MAX: variants seen among roughly 807,000 people sequenced by gnomAD.
MAX encodes the protein MYC associated transcriptional regulator X.
Under a neutral mutation model 22.3 loss-of-function variants are expected in MAX, and 3 were observed. The observed-to-expected ratio is 0.13, with a 90% confidence interval of 0.06 to 0.35. The LOEUF is 0.35. MAX is among the 10% of genes least tolerant of loss of function. The pLI, the probability that MAX is intolerant of heterozygous loss-of-function variation, is 1.00. For synonymous variants in MAX, 72 were observed against 77.7 expected, an observed-to-expected ratio of 0.93 and a Z score of 0.39; for missense variants, 119 against 209.4, an observed-to-expected ratio of 0.57 and a Z score of 2.66.
rs1566869988 is a variant in MAX at position 65,014,089 on chromosome 14, G to T, written c.172-7805C>A. On this transcript the variant is annotated intron_variant, in intron 3 of 3. Transcript: ENST00000341653. The surrounding 1 kb of genome is among the most constrained non-coding windows in gnomAD (Gnocchi z 5.1). Reference sequence around the variant, plus strand: ...TATCAGCATAGTTTTGAAGAGAGCAGCTTGGGCCAACGGAAAGAACACTGG... The same window carrying T: ...TATCAGCATAGTTTTGAAGAGAGCATCTTGGGCCAACGGAAAGAACACTGG... 6.6e-6 allele frequency among the ~76,000 whole-genome samples: 1 copy of T among 152,290 alleles called. No individual in the cohort carries two copies. Among genetic ancestry groups the T allele is most frequent in the East Asian group, 1.9e-4 (1 of 5,186 alleles).
At chr14:65,045,243 G>A (rs565446204) in intron 3 of MAX, among the ~76,000 whole-genome samples, 1 of 152,268 alleles carries the variant, frequency 6.6e-6, no homozygotes, top group East Asian at 1.9e-4. Flanking sequence ...GGAAGTCATG[G>A]GGCCCTGCTG....
intron 3 of MAX, among the ~76,000 whole-genome samples, chr14:65,056,361 T>C (rs1244573095): frequency 6.6e-6 from 1 of 152,224 alleles, no homozygotes; most frequent in Non-Finnish European, 1.5e-5. Context: ...AACGTTGTGG[T>C]ATCTGTCTCA....
At chr14:65,043,162 G>A (rs2062389019) in intron 3 of MAX, among the ~76,000 whole-genome samples, 1 of 152,176 alleles carries the variant, frequency 6.6e-6, no homozygotes, top group Admixed American at 6.5e-5. Flanking sequence ...GGCTGGAACG[G>A]CCTAGGTGGT....
At chr14:65,015,649 C>A (rs1224538583) in intron 3 of MAX, 1 of 1,614,132 alleles carries the variant, frequency 6.2e-7, no homozygotes, top group East Asian at 2.2e-5. Context: ...CCGCCCATGG[C>A]TCTGCTATTG....
In MAX at chr14:65,014,882, A is replaced by G. The variant is rs1469662302; in HGVS notation, c.172-8598T>C. Reference sequence around the variant, plus strand: ...AGTGTCTAATACAGTGCTTGGCACAAGTAGATACTATCAAATATTTGTTGA... The same window carrying G: ...AGTGTCTAATACAGTGCTTGGCACAGGTAGATACTATCAAATATTTGTTGA... On this transcript the variant is annotated intron_variant, in intron 3 of 3. Coordinates refer to the MAX transcript ENST00000341653. This position sits in a 1 kb window ranked among gnomAD's most constrained non-coding sequence, Gnocchi z 5.1. Among the ~76,000 whole-genome samples the G allele has an allele frequency of 6.6e-6, 1 of 152,178 alleles. No homozygotes were observed. Among genetic ancestry groups the G allele is most frequent in the Non-Finnish European group, 1.5e-5 (1 of 68,018 alleles).
chr14:65,057,018 C>G (rs1222135795), intron 3 of MAX, among the ~76,000 whole-genome samples: 2 of 152,170 alleles, frequency 1.3e-5, no homozygotes, highest in African/African-American at 4.8e-5. Context: ...AACAGCCTAC[C>G]CTTGCAGGAA....
At position 65,047,450 on chromosome 14, in the gene MAX, A is replaced by C. The variant is rs58044665; in HGVS notation, c.172-41166T>G. 6.4e-3 allele frequency among the ~76,000 whole-genome samples: 974 copies of C among 152,348 alleles called. 62 individuals are homozygous for C. The East Asian group carries it at 0.15, about 24-fold the overall frequency. Reference sequence around the variant, plus strand: ...TTGTTTAGCTCACTTGTAGTAAAAGAAATGCTAATCAAAAGAGTGGCACTA... The same window carrying C: ...TTGTTTAGCTCACTTGTAGTAAAAGCAATGCTAATCAAAAGAGTGGCACTA... On this transcript the variant is annotated intron_variant, in intron 3 of 3. Transcript: ENST00000341653. The surrounding 1 kb of genome is among the most constrained non-coding windows in gnomAD (Gnocchi z 5.2).
intron 2 of MAX, among the ~76,000 whole-genome samples, chr14:65,096,335 C>T (rs2063676001): frequency 6.6e-6 from 1 of 152,172 alleles, no homozygotes; most frequent in Non-Finnish European, 1.5e-5. Context: ...TTCTCTTCCC[C>T]AAGCTTGATT....
Position 65,011,276 on chromosome 14 carries a change from A to C in MAX, c.172-4992T>G, listed in dbSNP as rs1299278442. ...AACCCCCGTCTCCACTAAAAATACA[A>C]AAATTAGCTGGGTGTGGTGGCACGT... On this transcript the variant is annotated intron_variant, in intron 3 of 3. Coordinates refer to the MAX transcript ENST00000341653. This position sits in a 1 kb window ranked among gnomAD's most constrained non-coding sequence, Gnocchi z 4.0. Among the ~76,000 whole-genome samples the C allele has an allele frequency of 6.6e-6, 1 of 152,142 alleles. No homozygotes were observed. Among genetic ancestry groups the C allele is most frequent in the Non-Finnish European group, 1.5e-5 (1 of 68,024 alleles).
At chr14:65,066,425 C>T (rs2062930950) in intron 3 of MAX, among the ~76,000 whole-genome samples, 1 of 152,238 alleles carries the variant, frequency 6.6e-6, no homozygotes. Flanking sequence ...GTTCCTCCCT[C>T]CCGCTTCTCT....
rs2062426454 is a variant in MAX, at chr14:65,044,266, G to C, written c.172-37982C>G. On this transcript the variant is annotated intron_variant, in intron 3 of 3. Transcript: ENST00000341653. This position sits in a 1 kb window ranked among gnomAD's most constrained non-coding sequence, Gnocchi z 5.5. ...TGGAGATTCTGTCGGGCTGGATTTTGTCTCTTTTAGCCTACAACTGCCTTT... is the reference window on the plus strand; with the variant it reads ...TGGAGATTCTGTCGGGCTGGATTTTCTCTCTTTTAGCCTACAACTGCCTTT... The C allele has an allele frequency of 1.9e-6, 3 of 1,606,908 alleles. No homozygotes were observed. In the East Asian group the frequency reaches 6.8e-5, roughly 36 times the overall value.
intron 3 of MAX, among the ~76,000 whole-genome samples, chr14:65,050,480 AC>A (rs1251420821): frequency 2.0e-5 from 3 of 152,134 alleles, no homozygotes; most frequent in Non-Finnish European, 4.4e-5. Context: ...AATCCAAGGT[AC>A]TCAGGAGGCT....
At chr14:65,035,534 C>G (rs546406405) in intron 3 of MAX, among the ~76,000 whole-genome samples, 2 of 150,084 alleles carry the variant, frequency 1.3e-5, no homozygotes, top group African/African-American at 5.0e-5. Flanking sequence ...TTTCAATTCT[C>G]TCTTTCTTTT....
intron 3 of MAX, among the ~76,000 whole-genome samples, chr14:65,090,984 T>C (rs766121736): frequency 3.3e-5 from 5 of 152,166 alleles, no homozygotes; most frequent in African/African-American, 1.2e-4. Flanking sequence ...AGGACGCATA[T>C]GACAGATAAT....
Position 65,093,285 on chromosome 14 carries a change from T to C in MAX, c.171+423A>G, listed in dbSNP as rs997607985. On this transcript the variant is annotated intron_variant, in intron 3 of 4. Transcript: ENST00000358664. This position sits in a 1 kb window ranked among gnomAD's most constrained non-coding sequence, Gnocchi z 4.4. ...GTTTTTCACATACATTACACACATT[T>C]CTGCAAGTGCTCATTTACAATAAAG... Among the ~76,000 whole-genome samples, 3 of 143,876 alleles carry C rather than the reference T, an allele frequency of 2.1e-5. No individual in the cohort carries two copies. Among genetic ancestry groups the C allele is most frequent in the Non-Finnish European group, 3.0e-5 (2 of 66,916 alleles). 94.4% of individuals were successfully genotyped at this position (143,876 alleles called of 152,430 possible). A position where few individuals can be genotyped will look rare whatever the true frequency, so the allele number is the denominator to read the frequency against.
At chr14:65,101,633 C>A (rs1259587493) in intron 1 of MAX, 61 bp from the exon 2 acceptor site, 1 of 1,282,564 alleles carries the variant, frequency 7.8e-7, no homozygotes. Flanking sequence ...ACTTAACATT[C>A]AATAATAAGA....
At chr14:65,083,354 A>G (rs2063246115) in intron 3 of MAX, among the ~76,000 whole-genome samples, 1 of 152,260 alleles carries the variant, frequency 6.6e-6, no homozygotes, top group African/African-American at 2.4e-5. Flanking sequence ...GTTAGCACTG[A>G]TGCTTCAGAC....
intron 3 of MAX, among the ~76,000 whole-genome samples, chr14:65,019,996 ACCT>A (rs2061855867): frequency 6.6e-6 from 1 of 152,164 alleles, no homozygotes; most frequent in African/African-American, 2.4e-5. Context: ...TATTAAGGTG[ACCT>A]AGAGTCAAAA....
At chr14:65,046,576 CT>C (rs982502746) in intron 3 of MAX, among the ~76,000 whole-genome samples, 3 of 152,134 alleles carry the variant, frequency 2.0e-5, no homozygotes. Flanking sequence ...GTGCTTCCAG[CT>C]TTTTTCATTG....
Sources: gnomAD v4.1 joint callset for allele counts (sites outside exome capture counted in the v4.1 genomes callset) on GRCh38, gnomAD v4.1.1 for gene constraint, Gnocchi (gnomAD v3.1) non-coding constraint, MANE v1.5 for transcripts, NCBI Gene and HGNC (gene_info 2026-07-23, HGNC 2026-07-21) for gene names.